The following FAM227B variants were observed in gnomAD, a reference collection of about 807,000 sequenced individuals.
FAM227B encodes protein FAM227B.
FAM227B carries 88 observed loss-of-function variants against 73.8 expected under a neutral mutation model. The observed-to-expected ratio is 1.19, with a 90% CI of 1.00 to 1.42. The LOEUF (loss-of-function observed/expected upper bound fraction) is 1.42, where lower values mean the gene tolerates loss of function less well. Among genes scored for constraint, FAM227B ranks in the 40% most tolerant of loss-of-function variants. The probability of loss-of-function intolerance (pLI) is 0.00; values close to 1 mark genes in which losing one functional copy is unlikely to be tolerated. For missense variants in FAM227B, 632 were observed against 590.9 expected, an observed-to-expected ratio of 1.07 and a Z score of -0.72; for synonymous variants, 210 against 190.5, an observed-to-expected ratio of 1.10 and a Z score of -0.84.
At chr15:49,493,404 T>G (rs988988969) in intron 11 of FAM227B, among the ~76,000 whole-genome samples, 5 of 152,016 alleles carry the variant, frequency 3.3e-5, no homozygotes, top group African/African-American at 9.7e-5. Flanking sequence ...ACCATTGTTC[T>G]CATGTCATTT....
intron 11 of FAM227B, among the ~76,000 whole-genome samples, chr15:49,418,440 G>A (rs1409769978): frequency 6.6e-6 from 1 of 152,196 alleles, no homozygotes; most frequent in Non-Finnish European, 1.5e-5. Context: ...ACTGGATAAA[G>A]AAAATGTGGT....
At position 49,335,410 on chromosome 15, in the gene FAM227B, T is replaced by C. The variant is rs16962331; in HGVS notation, c.1349+9A>G. 19,145 of 1,569,466 alleles carry C rather than the reference T, an allele frequency of 0.012. 475 individuals are homozygous for C. The highest frequency in any genetic ancestry group is 0.062 in the East Asian group (2,745 of 44,614). On this transcript the variant is annotated intron_variant, in intron 14 of 15. Coordinates refer to ENST00000299338, the MANE Select transcript of FAM227B (RefSeq NM_152647.3). ...TTTTATATTTAACAATAGTATAGCA[T>C]CAACTTACATCCTAAAATCCTTTTG...
chr15:49,565,806 G>C (rs1228235925), intron 9 of FAM227B, among the ~76,000 whole-genome samples: 3 of 152,082 alleles, frequency 2.0e-5, no homozygotes, highest in Non-Finnish European at 4.4e-5. Context: ...TTATCCCATG[G>C]GCTGTAAGTG....
chr15:49,503,943 T>G (rs2058366520), intron 11 of FAM227B, among the ~76,000 whole-genome samples: 1 of 152,214 alleles, frequency 6.6e-6, no homozygotes, highest in East Asian at 1.9e-4. Context: ...CCCAAAGGAT[T>G]ATAAATCATG....
At chr15:49,515,755 T>C (rs1286337355) in intron 10 of FAM227B, among the ~76,000 whole-genome samples, 1 of 152,198 alleles carries the variant, frequency 6.6e-6, no homozygotes, top group African/African-American at 2.4e-5. Flanking sequence ...TGTTTTGTTG[T>C]GTTTGTCTGT....
chr15:49,355,263 A>G (rs571534834), intron 13 of FAM227B, among the ~76,000 whole-genome samples: 2 of 152,272 alleles, frequency 1.3e-5, no homozygotes, highest in Admixed American at 1.3e-4. Flanking sequence ...GAGCTCAGAG[A>G]AGAAGGCTTC....
At chr15:49,587,272 C>T (rs2076223745) in intron 5 of FAM227B, among the ~76,000 whole-genome samples, 1 of 152,024 alleles carries the variant, frequency 6.6e-6, no homozygotes, top group African/African-American at 2.4e-5. Flanking sequence ...TAAGTGGGAG[C>T]TAAATTATGA....
At chr15:49,470,307 T>A (rs2054626727) in intron 11 of FAM227B, among the ~76,000 whole-genome samples, 1 of 152,156 alleles carries the variant, frequency 6.6e-6, no homozygotes, top group African/African-American at 2.4e-5. Flanking sequence ...TCATTATCAC[T>A]ATATTTTAAA....
intron 11 of FAM227B, among the ~76,000 whole-genome samples, chr15:49,374,237 G>A (rs1220235660): frequency 2.0e-5 from 3 of 152,138 alleles, no homozygotes; most frequent in African/African-American, 7.2e-5. Context: ...TAATTTTACA[G>A]TCGACTTTTA....
intron 9 of FAM227B, among the ~76,000 whole-genome samples, chr15:49,563,034 A>G (rs2074379486): frequency 6.6e-6 from 1 of 152,160 alleles, no homozygotes; most frequent in South Asian, 2.1e-4. Flanking sequence ...AAGGCATACA[A>G]ATAGTAAAAG....
intron 13 of FAM227B, chr15:49,365,723 C>T (rs2045042649): frequency 1.1e-6 from 1 of 894,448 alleles, no homozygotes; most frequent in African/African-American, 1.6e-5. Flanking sequence ...AAAGCAATCT[C>T]CAAGATATCT....
At chr15:49,467,260 G>A (rs1032824631) in intron 11 of FAM227B, among the ~76,000 whole-genome samples, 1 of 152,092 alleles carries the variant, frequency 6.6e-6, no homozygotes, top group African/African-American at 2.4e-5. Context: ...TGAACAAAAC[G>A]TTAATGAAAG....
chr15:49,393,301 C>A (rs1440405912), intron 11 of FAM227B, among the ~76,000 whole-genome samples: 1 of 152,026 alleles, frequency 6.6e-6, no homozygotes, highest in Non-Finnish European at 1.5e-5. Context: ...TCACCCATAT[C>A]ATTTCCTCTT....
chr15:49,397,401 G>A (rs1169848818), intron 11 of FAM227B, among the ~76,000 whole-genome samples: 1 of 152,102 alleles, frequency 6.6e-6, no homozygotes, highest in Non-Finnish European at 1.5e-5. Context: ...TGGGGAGAAT[G>A]GAACCAAGTT....
At chr15:49,557,098 A>G (rs1413402739) in intron 9 of FAM227B, among the ~76,000 whole-genome samples, 4 of 151,950 alleles carry the variant, frequency 2.6e-5, no homozygotes, top group African/African-American at 9.7e-5. Context: ...TTCTCCCTCC[A>G]TCCACTCTCA....
At chr15:49,441,665 A>C (rs940480622) in intron 11 of FAM227B, among the ~76,000 whole-genome samples, 1 of 151,714 alleles carries the variant, frequency 6.6e-6, no homozygotes, top group African/African-American at 2.4e-5. Context: ...ACATCATTTC[A>C]TATGTTCAGC....
chr15:49,397,161 T>C (rs2047738939), intron 11 of FAM227B, among the ~76,000 whole-genome samples: 1 of 152,134 alleles, frequency 6.6e-6, no homozygotes, highest in African/African-American at 2.4e-5. Context: ...AAGGAGCTGA[T>C]GGAGCTGAAC....
At chr15:49,489,800 ATTTTATATATATATATATATT>A (rs2056744880) in intron 11 of FAM227B, among the ~76,000 whole-genome samples, 1 of 70,902 alleles carries the variant, frequency 1.4e-5, no homozygotes, top group African/African-American at 5.6e-5. Context: ...ATATATATAT[ATTTTATATATATATATATATT>A]TTATATATAT....
intron 9 of FAM227B, among the ~76,000 whole-genome samples, chr15:49,545,368 G>A (rs1265938819): frequency 2.0e-5 from 3 of 152,054 alleles, no homozygotes; most frequent in Non-Finnish European, 2.9e-5. Context: ...TTCTAATTGA[G>A]CTTACTTGGA....
Sources: gnomAD v4.1 joint callset for allele counts (sites outside exome capture counted in the v4.1 genomes callset) on GRCh38, gnomAD v4.1.1 for gene constraint, MANE v1.5 for transcripts, NCBI Gene and HGNC (gene_info 2026-07-23, HGNC 2026-07-21) for gene names.